Variants in GPC5 observed in about 807,000 individuals in gnomAD.
GPC5 encodes the protein glypican 5.
In GPC5, 47 loss-of-function variants were observed where a neutral mutation model predicts 53.9. That is an observed-to-expected ratio of 0.87 (90% CI 0.69 to 1.11). The LOEUF is 1.11. GPC5 is among the 50% of genes most tolerant of loss of function. GPC5 has a pLI of 0.00. For synonymous variants in GPC5, 286 were observed against 263.3 expected, an observed-to-expected ratio of 1.09 and a Z score of -0.84; for missense variants, 748 against 713.1, an observed-to-expected ratio of 1.05 and a Z score of -0.56.
intron 7 of GPC5, among the ~76,000 whole-genome samples, chr13:92,528,242 A>G (rs557464852): frequency 6.6e-6 from 1 of 151,982 alleles, no homozygotes; most frequent in Non-Finnish European, 1.5e-5. Context: ...TCTATTTCTG[A>G]TTGTCTTAAT....
At chr13:92,791,350 A>G (rs1876454046) in intron 7 of GPC5, among the ~76,000 whole-genome samples, 1 of 149,636 alleles carries the variant, frequency 6.7e-6, no homozygotes, top group African/African-American at 2.5e-5. Context: ...ACACACTCAC[A>G]TGCATACATG....
intron 7 of GPC5, among the ~76,000 whole-genome samples, chr13:92,424,371 C>G (rs1876726515): frequency 6.6e-6 from 1 of 151,566 alleles, no homozygotes; most frequent in Non-Finnish European, 1.5e-5. Context: ...TAATTTAATC[C>G]AATTAATATT....
intron 7 of GPC5, among the ~76,000 whole-genome samples, chr13:92,653,018 T>C (rs1432938563): frequency 2.6e-5 from 4 of 152,144 alleles, no homozygotes; most frequent in Non-Finnish European, 5.9e-5. Context: ...TGTGTATATG[T>C]GTGTGAGAGA....
At chr13:92,247,317 G>A (rs2042660057) in intron 7 of GPC5, among the ~76,000 whole-genome samples, 1 of 152,116 alleles carries the variant, frequency 6.6e-6, no homozygotes, top group Non-Finnish European at 1.5e-5. Context: ...GGTATTAATT[G>A]AGACAGGTAT....
chr13:92,468,103 T>C (rs868811326), intron 7 of GPC5, among the ~76,000 whole-genome samples: 2 of 152,116 alleles, frequency 1.3e-5, no homozygotes, highest in Non-Finnish European at 1.5e-5. Context: ...ATTGACAGTA[T>C]GAAATCCAAC....
At chr13:92,407,263 A>T (rs1179563092) in intron 7 of GPC5, among the ~76,000 whole-genome samples, 2 of 152,216 alleles carry the variant, frequency 1.3e-5, no homozygotes, top group Non-Finnish European at 2.9e-5. Context: ...AAGAGGAAGA[A>T]TTATCATAAG....
At chr13:91,735,419 G>C (rs1327933695) in intron 4 of GPC5, among the ~76,000 whole-genome samples, 2 of 150,958 alleles carry the variant, frequency 1.3e-5, no homozygotes, top group African/African-American at 4.9e-5. Flanking sequence ...CTGTTAATAA[G>C]TCAGTAGTTG....
intron 2 of GPC5, among the ~76,000 whole-genome samples, chr13:91,610,388 A>G (rs2033510824): frequency 6.6e-6 from 1 of 152,084 alleles, no homozygotes. Flanking sequence ...TTTCTTCCGT[A>G]GCTCATTTTA....
At chr13:92,821,304 T>C (rs1044400056) in intron 7 of GPC5, among the ~76,000 whole-genome samples, 1 of 152,218 alleles carries the variant, frequency 6.6e-6, no homozygotes. Context: ...TTATCTGTAT[T>C]CCTACTACTT....
At chr13:92,469,829 A>G (rs142308144) in intron 7 of GPC5, among the ~76,000 whole-genome samples, 6 of 152,284 alleles carry the variant, frequency 3.9e-5, no homozygotes, top group African/African-American at 1.2e-4. Flanking sequence ...TACAAATTTT[A>G]TCACTACCTT....
chr13:91,707,420 C>A (rs529255313), intron 3 of GPC5, among the ~76,000 whole-genome samples: 1 of 152,104 alleles, frequency 6.6e-6, no homozygotes, highest in East Asian at 1.9e-4. Flanking sequence ...CCTAGGAGGT[C>A]AAGACCAGCC....
intron 7 of GPC5, among the ~76,000 whole-genome samples, chr13:92,624,409 A>C (rs1310499306): frequency 6.6e-6 from 1 of 152,190 alleles, no homozygotes; most frequent in African/African-American, 2.4e-5. Context: ...CCTTGAATCT[A>C]GGCAAACCCT....
At chr13:92,520,800 G>C (rs982181878) in intron 7 of GPC5, among the ~76,000 whole-genome samples, 80 of 152,176 alleles carry the variant, frequency 5.3e-4, no homozygotes, top group African/African-American at 1.9e-3. Context: ...GCAGGACAAA[G>C]AAATAAAGGG....
At chr13:92,493,410 T>C (rs140773486) in intron 7 of GPC5, among the ~76,000 whole-genome samples, 72 of 152,340 alleles carry the variant, frequency 4.7e-4, no homozygotes, top group Admixed American at 2.4e-3. Context: ...TTTAATAGAA[T>C]AGAATTTGTT....
chr13:91,866,110 G>T (rs533765128), intron 5 of GPC5, among the ~76,000 whole-genome samples: 54 of 152,098 alleles, frequency 3.6e-4, no homozygotes, highest in African/African-American at 1.2e-3. Flanking sequence ...TCAGCTGATC[G>T]ACCCACCTCA....
intron 7 of GPC5, among the ~76,000 whole-genome samples, chr13:92,778,841 A>G (rs1875915517): frequency 2.0e-5 from 3 of 152,224 alleles, no homozygotes; most frequent in Admixed American, 2.0e-4. Context: ...AATAATTTAA[A>G]AAGGACTTCA....
intron 5 of GPC5, among the ~76,000 whole-genome samples, chr13:91,904,580 T>G (rs9556131): frequency 6.6e-6 from 1 of 151,764 alleles, no homozygotes; most frequent in Admixed American, 6.6e-5. Context: ...TACTTAACCT[T>G]TCCAGATCCC....
At chr13:91,751,958 T>G (rs1007079816) in intron 4 of GPC5, among the ~76,000 whole-genome samples, 5 of 152,196 alleles carry the variant, frequency 3.3e-5, no homozygotes, top group African/African-American at 1.2e-4. Flanking sequence ...CTGGGTGGCT[T>G]AAACAACACA....
chr13:91,842,867 G>T (rs2038805526), intron 5 of GPC5, among the ~76,000 whole-genome samples: 1 of 151,992 alleles, frequency 6.6e-6, no homozygotes, highest in Non-Finnish European at 1.5e-5. Flanking sequence ...TATCTTTCAG[G>T]ATACATTTTA....
Sources: allele counts gnomAD v4.1 joint callset (sites outside exome capture counted in the v4.1 genomes callset), GRCh38; gene constraint gnomAD v4.1.1; transcripts MANE v1.5; gene names NCBI Gene and HGNC (gene_info 2026-07-23, HGNC 2026-07-21).